Variants in CNBD1 observed in about 807,000 individuals in gnomAD.
CNBD1 encodes cyclic nucleotide binding domain containing 1, also known as cyclic nucleotide-binding domain-containing protein 1.
Under a neutral mutation model 54.4 loss-of-function variants are expected in CNBD1, and 71 were observed. The ratio of observed to expected loss-of-function variants is 1.30; its 90% CI spans 1.08 to 1.59. The LOEUF (loss-of-function observed/expected upper bound fraction) is 1.59, where lower values mean the gene tolerates loss of function less well. Ranked by LOEUF, CNBD1 falls within the 40% of genes most tolerant of loss-of-function variation. CNBD1 has a pLI of 0.00. For synonymous variants in CNBD1, 182 were observed against 170.7 expected (o/e 1.07, Z -0.51); for missense variants, 659 against 518.0 (o/e 1.27, Z -2.64).
chr8:86,885,848 A>G (rs1272184131), intron 1 of CNBD1, among the ~76,000 whole-genome samples: 1 of 152,178 alleles, frequency 6.6e-6, no homozygotes, highest in Non-Finnish European at 1.5e-5. Context: ...TTCCAAGCCT[A>G]CTATGAAGCC....
At chr8:87,309,004 A>T (rs1378624583) in intron 8 of CNBD1, among the ~76,000 whole-genome samples, 1 of 152,150 alleles carries the variant, frequency 6.6e-6, no homozygotes, top group African/African-American at 2.4e-5. Flanking sequence ...ATGGACATTT[A>T]CATAGATTCC....
rs149414523 is a variant in CNBD1 at position 87,197,085 on chromosome 8, AT to A, written c.432-8907del. ...CTGTATGTGGTCTGGATAACTCATAATAAGGATAATTTTAATAATGACACAA... is the reference window on the plus strand; with the variant it reads ...CTGTATGTGGTCTGGATAACTCATAAAAGGATAATTTTAATAATGACACAA... On this transcript the variant is annotated intron_variant, in intron 4 of 10. Coordinates refer to ENST00000518476, the MANE Select transcript of CNBD1 (RefSeq NM_173538.3). Among the ~76,000 whole-genome samples, 1,058 of 152,352 alleles carry A rather than the reference AT, an allele frequency of 6.9e-3. 12 individuals carry two copies. Among genetic ancestry groups the A allele is most frequent in the African/African-American group, 0.024 (986 of 41,572 alleles).
chr8:87,158,734 ACT>A (rs1490483897), intron 4 of CNBD1, among the ~76,000 whole-genome samples: 1 of 152,118 alleles, frequency 6.6e-6, no homozygotes, highest in African/African-American at 2.4e-5. Flanking sequence ...GACTTTTTAC[ACT>A]GAGTCCACTG....
chr8:87,274,006 T>G (rs983159101), intron 6 of CNBD1, among the ~76,000 whole-genome samples: 14 of 148,256 alleles, frequency 9.4e-5, no homozygotes, highest in African/African-American at 3.0e-4. Context: ...CACCTATGAG[T>G]GAGAATATGC....
chr8:86,904,986 T>C lies in CNBD1; in HGVS notation c.159-95T>C, dbSNP rs1808994177. 1.0e-5 allele frequency: 6 copies of C among 576,026 alleles called. No individual in the cohort carries two copies. In the Admixed American group the frequency reaches 1.5e-4, roughly 15 times the overall value. 35.7% of individuals were successfully genotyped at this position (576,026 alleles called of 1,614,324 possible). A position where few individuals can be genotyped will look rare whatever the true frequency, so the allele number is the denominator to read the frequency against. ...GTTAGTTGCTTCTTAGACTAAATAG[T>C]ATAGAATTGATACGTATATATTGAG... On this transcript the variant is annotated intron_variant, in intron 2 of 10. Transcript: ENST00000518476.
chr8:87,057,578 G>A (rs1027300181), intron 4 of CNBD1, among the ~76,000 whole-genome samples: 61 of 152,340 alleles, frequency 4.0e-4, no homozygotes, highest in African/African-American at 1.4e-3. Flanking sequence ...GTTGGGCGCA[G>A]TGGCCCATCC....
intron 4 of CNBD1, among the ~76,000 whole-genome samples, chr8:87,131,191 G>A (rs1812111581): frequency 6.6e-6 from 1 of 151,778 alleles, no homozygotes; most frequent in Admixed American, 6.6e-5. Flanking sequence ...AAATTTTCGT[G>A]TGCTTGGATT....
chr8:87,350,812 AT>A (rs1412787601), intron 8 of CNBD1, among the ~76,000 whole-genome samples: 15 of 151,356 alleles, frequency 9.9e-5, no homozygotes, highest in Admixed American at 6.6e-5. Context: ...ACTAATTTTA[AT>A]TTATATATTG....
chr8:87,134,493 A>G (rs1252697973), intron 4 of CNBD1, among the ~76,000 whole-genome samples: 2 of 152,126 alleles, frequency 1.3e-5, no homozygotes, highest in Non-Finnish European at 2.9e-5. Context: ...GGAAAGAATC[A>G]AAAGGAAATT....
chr8:86,931,911 C>A (rs1289871038), intron 3 of CNBD1, among the ~76,000 whole-genome samples: 1 of 152,158 alleles, frequency 6.6e-6, no homozygotes, highest in Non-Finnish European at 1.5e-5. Context: ...TTGAATAATT[C>A]ATGGGCTTTT....
At chr8:87,076,658 A>G (rs936524316) in intron 4 of CNBD1, among the ~76,000 whole-genome samples, 1 of 152,006 alleles carries the variant, frequency 6.6e-6, no homozygotes, top group African/African-American at 2.4e-5. Flanking sequence ...TAGCCAGGAT[A>G]GTCTCGATCT....
At chr8:86,989,764 A>C (rs1808700629) in intron 4 of CNBD1, among the ~76,000 whole-genome samples, 1 of 152,082 alleles carries the variant, frequency 6.6e-6, no homozygotes, top group African/African-American at 2.4e-5. Context: ...TTTAGTTTTT[A>C]TACTGTTCTT....
chr8:86,980,102 G>A (rs1228544760), intron 4 of CNBD1, among the ~76,000 whole-genome samples: 1 of 152,094 alleles, frequency 6.6e-6, no homozygotes. Flanking sequence ...TCATCTTCAT[G>A]CATGCTTGAA....
intron 4 of CNBD1, among the ~76,000 whole-genome samples, chr8:87,030,611 T>C (rs539824152): frequency 6.6e-6 from 1 of 152,280 alleles, no homozygotes; most frequent in East Asian, 1.9e-4. Flanking sequence ...AAATTAAAAA[T>C]AGACAGTGTA....
chr8:87,050,795 C>T (rs1356792834), intron 4 of CNBD1, among the ~76,000 whole-genome samples: 1 of 152,150 alleles, frequency 6.6e-6, no homozygotes, highest in African/African-American at 2.4e-5. Flanking sequence ...GGTTTCTGCA[C>T]TCCTAATATT....
intron 4 of CNBD1, among the ~76,000 whole-genome samples, chr8:86,994,030 G>C (rs1036392322): frequency 6.6e-6 from 1 of 152,318 alleles, no homozygotes; most frequent in African/African-American, 2.4e-5. Context: ...GCCCAGCCCA[G>C]TACAGGGAGG....
At chr8:86,956,348 T>G (rs1381960104) in intron 4 of CNBD1, among the ~76,000 whole-genome samples, 2 of 152,192 alleles carry the variant, frequency 1.3e-5, no homozygotes, top group Admixed American at 6.5e-5. Context: ...TTTAAAGTAG[T>G]TTTTTCCAAT....
chr8:87,195,562 GT>G (rs550156531), intron 4 of CNBD1, among the ~76,000 whole-genome samples: 5,221 of 130,712 alleles, frequency 0.04, 81 homozygotes, highest in Non-Finnish European at 0.045. Context: ...TTTAAATATT[GT>G]TTTTTTTTTT....
chr8:87,044,275 A>G (rs560975248), intron 4 of CNBD1, among the ~76,000 whole-genome samples: 2 of 152,100 alleles, frequency 1.3e-5, no homozygotes, highest in East Asian at 1.9e-4. Flanking sequence ...AAGAGAGATA[A>G]TGTTATATAA....
Sources: gnomAD v4.1 joint callset for allele counts (sites outside exome capture counted in the v4.1 genomes callset) on GRCh38, gnomAD v4.1.1 for gene constraint, MANE v1.5 for transcripts, NCBI Gene and HGNC (gene_info 2026-07-23, HGNC 2026-07-21) for gene names.